Variants in DPF3 observed in about 807,000 individuals in gnomAD.
The protein encoded by DPF3 is zinc finger protein DPF3.
A neutral mutation model predicts 56.8 loss-of-function variants in DPF3; 18 were observed. That is an observed-to-expected ratio of 0.32 (90% CI 0.22 to 0.47). DPF3 has a LOEUF of 0.47. Among genes scored for constraint, DPF3 ranks in the 20% least tolerant of loss-of-function variants. The probability of loss-of-function intolerance (pLI) is 1.00; values close to 1 mark genes in which losing one functional copy is unlikely to be tolerated. For missense variants in DPF3, 403 were observed against 488.8 expected (o/e 0.82, Z 1.65); for synonymous variants, 188 against 180.2 (o/e 1.04, Z -0.35).
chr14:72,866,749 G>A (rs1885686776), intron 1 of DPF3, among the ~76,000 whole-genome samples: 1 of 150,760 alleles, frequency 6.6e-6, no homozygotes, highest in Admixed American at 6.6e-5. Context: ...CCAGCTACTC[G>A]GGAGGCTGAG....
chr14:72,635,186 A>G (rs1040990377), intron 8 of DPF3, among the ~76,000 whole-genome samples: 2 of 152,170 alleles, frequency 1.3e-5, no homozygotes, highest in Non-Finnish European at 2.9e-5. Context: ...GGAGATCAGC[A>G]TTTGGCTTCA....
At chr14:72,670,300 C>T in intron 8 of DPF3, 5 of 985,976 alleles carry the variant, frequency 5.1e-6, no homozygotes, top group Non-Finnish European at 4.8e-6. Context: ...ATTTGGAAGT[C>T]GTTCTTTGCC....
Position 72,771,873 on chromosome 14 carries a change from T to C in DPF3, c.53A>G (p.Lys18Arg). The C allele has an allele frequency of 6.3e-7, 1 of 1,599,888 alleles. No homozygotes were observed. Among genetic ancestry groups the C allele is most frequent in the Non-Finnish European group, 8.5e-7 (1 of 1,172,944 alleles). Residue 18 changes from lysine to arginine, a missense_variant, in exon 2 of 11, where the codon AAG (lysine) becomes AGG (arginine). Physicochemically the swap from Lys to Arg is conservative, Grantham distance 26. Transcript: ENST00000556509. The part of the protein sequence containing the change: ...PLKALGDQFY[K>R]EAIEHCRSYN... ...ACTCCGGCAGTGCTCAATGGCTTCC[T>C]TGTAGAACTGGTCCCCGAGCCTGCC...
chr14:72,634,839 G>A (rs754918117), intron 8 of DPF3, among the ~76,000 whole-genome samples: 18 of 151,994 alleles, frequency 1.2e-4, no homozygotes, highest in Non-Finnish European at 2.4e-4. Flanking sequence ...ACCCTTCCCA[G>A]GCCCCCCTGG....
chr14:72,768,874 T>C (rs1322323504), intron 2 of DPF3, among the ~76,000 whole-genome samples: 6 of 152,010 alleles, frequency 3.9e-5, no homozygotes, highest in Non-Finnish European at 8.8e-5. Context: ...TCTTAAACCT[T>C]TTTCAGTAAT....
At position 72,656,683 on chromosome 14, in the gene DPF3, C is replaced by T. The variant is rs77621254; in HGVS notation, c.871+17557G>A. On this transcript the variant is annotated intron_variant, in intron 8 of 10. Transcript: ENST00000556509. ...TTCTGGGTGACTTCATATGTGATCACAGGGTAGAACTTGGAGAAAATGAAA... is the reference window on the plus strand; with the variant it reads ...TTCTGGGTGACTTCATATGTGATCATAGGGTAGAACTTGGAGAAAATGAAA... 8.1e-3 allele frequency among the ~76,000 whole-genome samples: 1,234 copies of T among 152,332 alleles called. 24 individuals are homozygous for T. The highest frequency in any genetic ancestry group is 0.028 in the African/African-American group (1,174 of 41,570).
intron 8 of DPF3, among the ~76,000 whole-genome samples, chr14:72,633,938 G>A (rs1885301828): frequency 1.3e-5 from 2 of 152,184 alleles, no homozygotes; most frequent in African/African-American, 4.8e-5. Context: ...TAGCAAGTGG[G>A]TTTTGGAAAT....
intron 2 of DPF3, among the ~76,000 whole-genome samples, chr14:72,753,953 C>T (rs1158456185): frequency 2.6e-5 from 4 of 151,934 alleles, no homozygotes; most frequent in Non-Finnish European, 5.9e-5. Flanking sequence ...GTGACCAGGC[C>T]ACATGACCTG....
At position 72,696,386 on chromosome 14, in the gene DPF3, C is replaced by G. The variant is rs189824444; in HGVS notation, c.605-3173G>C. 3.6e-4 allele frequency among the ~76,000 whole-genome samples: 55 copies of G among 152,316 alleles called. 1 individual carries two copies. The East Asian group carries it at 0.011, about 29-fold the overall frequency. On this transcript the variant is annotated intron_variant, in intron 6 of 10. Transcript: ENST00000556509. Reference sequence around the variant, plus strand: ...CATTGATAGGGAACTCACTACCAGTCAAAGCAGGCATTTCTCCTTTAGACT... The same window carrying G: ...CATTGATAGGGAACTCACTACCAGTGAAAGCAGGCATTTCTCCTTTAGACT...
At chr14:72,753,046 C>T (rs1890644502) in intron 3 of DPF3, among the ~76,000 whole-genome samples, 1 of 152,142 alleles carries the variant, frequency 6.6e-6, no homozygotes, top group African/African-American at 2.4e-5. Context: ...AAAGGGAAGG[C>T]ATGAGACACC....
At chr14:72,817,227 C>T (rs1460285285) in intron 1 of DPF3, among the ~76,000 whole-genome samples, 1 of 152,244 alleles carries the variant, frequency 6.6e-6, no homozygotes, top group Non-Finnish European at 1.5e-5. Context: ...CAAAACTCAA[C>T]TCTCTTCCCA....
At chr14:72,750,814 A>AAC (rs1555503403) in intron 3 of DPF3, among the ~76,000 whole-genome samples, 1 of 151,108 alleles carries the variant, frequency 6.6e-6, no homozygotes, top group African/African-American at 2.4e-5. Flanking sequence ...AAAAAAAAAA[A>AAC]AAACCTGCTA....
intron 8 of DPF3, chr14:72,670,740 C>G: frequency 9.8e-7 from 1 of 1,016,550 alleles, no homozygotes; most frequent in Non-Finnish European, 1.2e-6. Context: ...GTTTCCAACC[C>G]AAAGTTCCTC....
intron 9 of DPF3, among the ~76,000 whole-genome samples, chr14:72,622,144 A>G (rs1884489651): frequency 6.6e-6 from 1 of 152,214 alleles, no homozygotes; most frequent in South Asian, 2.1e-4. Flanking sequence ...AATTTTGTAC[A>G]TAGGTAGAAA....
chr14:72,850,064 A>G (rs1370862455), intron 1 of DPF3, among the ~76,000 whole-genome samples: 1 of 152,170 alleles, frequency 6.6e-6, no homozygotes, highest in African/African-American at 2.4e-5. Context: ...GGTTGCAGTG[A>G]GCCGAGATCA....
At chr14:72,799,517 A>G (rs114761169) in intron 1 of DPF3, among the ~76,000 whole-genome samples, 2,147 of 152,260 alleles carry the variant, frequency 0.014, 42 homozygotes, top group African/African-American at 0.048. Context: ...TTGGCCAGGC[A>G]TGGTGATGCA....
chr14:72,826,211 AT>A (rs1427131196), intron 1 of DPF3, among the ~76,000 whole-genome samples: 1 of 152,146 alleles, frequency 6.6e-6, no homozygotes, highest in Non-Finnish European at 1.5e-5. Context: ...CAAGGGATAA[AT>A]TTTCCTTATC....
At chr14:72,670,590 G>T in intron 8 of DPF3, 1 of 986,758 alleles carries the variant, frequency 1.0e-6, no homozygotes, top group Non-Finnish European at 1.2e-6. Context: ...CCCACCGGGC[G>T]GCTTGCCTCT....
rs556768842 is a variant in DPF3, at chr14:72,727,453, G to A, written c.430-3725C>T. 3.3e-5 allele frequency among the ~76,000 whole-genome samples: 5 copies of A among 152,150 alleles called. No individual in the cohort carries two copies. In the South Asian group the frequency reaches 1.0e-3, roughly 32 times the overall value. Reference sequence around the variant, plus strand: ...TAGTTGGGCGTGGTGGTGGGCACCTGTAATCCCAGCTACTCAGAAGGCTGA... The same window carrying A: ...TAGTTGGGCGTGGTGGTGGGCACCTATAATCCCAGCTACTCAGAAGGCTGA... On this transcript the variant is annotated intron_variant, in intron 4 of 10. Transcript: ENST00000556509.
Sources: gnomAD v4.1 joint callset for allele counts (sites outside exome capture counted in the v4.1 genomes callset) on GRCh38, gnomAD v4.1.1 for gene constraint, MANE v1.5 for transcripts, NCBI Gene and HGNC (gene_info 2026-07-23, HGNC 2026-07-21) for gene names.